Variants in ABCB5 observed in about 807,000 individuals in gnomAD.
ABCB5 encodes the protein ATP-binding cassette sub-family B member 5.
A neutral mutation model predicts 144.2 loss-of-function variants in ABCB5; 155 were observed. The observed-to-expected ratio is 1.08, with a 90% CI of 0.94 to 1.23. ABCB5 has a LOEUF of 1.23. Among genes scored for constraint, ABCB5 ranks in the 50% most tolerant of loss-of-function variants. The pLI is 0.00. For synonymous variants in ABCB5, 610 were observed against 528.6 expected (o/e 1.15, Z -2.11); for missense variants, 1,830 against 1,520.8 (o/e 1.20, Z -3.38).
intron 27 of ABCB5, among the ~76,000 whole-genome samples, chr7:20,754,572 T>G (rs1214909026): frequency 6.6e-6 from 1 of 152,234 alleles, no homozygotes; most frequent in Non-Finnish European, 1.5e-5. Context: ...TTTCTCTATA[T>G]AGCGTCATAA....
intron 16 of ABCB5, among the ~76,000 whole-genome samples, chr7:20,688,922 A>T (rs972362324): frequency 4.0e-5 from 6 of 151,884 alleles, no homozygotes; most frequent in Admixed American, 6.6e-5. Context: ...AACAACGAGA[A>T]CACTTGGACA....
intron 20 of ABCB5, among the ~76,000 whole-genome samples, chr7:20,712,044 C>G (rs1051541418): frequency 2.8e-5 from 4 of 143,928 alleles, no homozygotes; most frequent in African/African-American, 7.8e-5. Context: ...TTGAAACCAT[C>G]CTGGCTAACA....
intron 23 of ABCB5, among the ~76,000 whole-genome samples, chr7:20,736,485 G>C (rs760918542): frequency 2.0e-4 from 31 of 152,158 alleles, no homozygotes; most frequent in Non-Finnish European, 3.4e-4. Flanking sequence ...CAAAGTGCTG[G>C]AATTACAGGC....
intron 26 of ABCB5, among the ~76,000 whole-genome samples, chr7:20,745,720 G>A (rs1177346340): frequency 6.6e-6 from 1 of 152,176 alleles, no homozygotes; most frequent in South Asian, 2.1e-4. Flanking sequence ...TCCACACTAT[G>A]ACCTCCCCGC....
intron 17 of ABCB5, 58 bp downstream of exon 17, chr7:20,698,608 G>A: frequency 1.3e-6 from 2 of 1,493,540 alleles, no homozygotes; most frequent in South Asian, 1.3e-5. Context: ...TGACCTGAGA[G>A]AACAAGCTTG....
At chr7:20,711,837 T>TTTCTTTCTTTCTTTCC (rs1562573748) in intron 20 of ABCB5, among the ~76,000 whole-genome samples, 1 of 56,342 alleles carries the variant, frequency 1.8e-5, no homozygotes, top group East Asian at 2.9e-3. Context: ...TCTTTCTTTC[T>TTTCTTTCTTTCTTTCC]TTCTTTCTTT....
At chr7:20,615,984 G>A (rs911591520) in intron 1 of ABCB5, 147 bp downstream of exon 1, 6 of 152,216 alleles carry the variant, frequency 3.9e-5, no homozygotes, top group African/African-American at 1.4e-4. Context: ...AGTCAGAAAT[G>A]ATCATCCTAC....
At chr7:20,754,523 T>C (rs984114019) in intron 27 of ABCB5, among the ~76,000 whole-genome samples, 3 of 152,228 alleles carry the variant, frequency 2.0e-5, no homozygotes, top group Non-Finnish European at 4.4e-5. Flanking sequence ...GAACATTTTA[T>C]GTATTCAACA....
chr7:20,700,005 A>G, intron 18 of ABCB5, 53 bp from the exon 19 acceptor site: 1 of 1,601,518 alleles, frequency 6.2e-7, no homozygotes. Flanking sequence ...AAAATATATC[A>G]ACTAAATGTT....
chr7:20,706,487 T>C (rs549377756), intron 20 of ABCB5, among the ~76,000 whole-genome samples: 91 of 152,366 alleles, frequency 6.0e-4, no homozygotes, highest in Middle Eastern at 3.4e-3. Context: ...TAATAAATAG[T>C]ATTGTCCCTG....
chr7:20,629,348 A>G (rs976768114), intron 4 of ABCB5, among the ~76,000 whole-genome samples: 2 of 152,212 alleles, frequency 1.3e-5, no homozygotes, highest in East Asian at 1.9e-4. Context: ...GAAGCCCACA[A>G]TAGTTCAGCT....
chr7:20,653,067 C>A (rs1425324790), intron 13 of ABCB5, among the ~76,000 whole-genome samples: 1 of 152,098 alleles, frequency 6.6e-6, no homozygotes, highest in Non-Finnish European at 1.5e-5. Flanking sequence ...CACACATTTC[C>A]TTTTGTTGAT....
In ABCB5 at chr7:20,742,967, A is replaced by G. The variant is rs781703310; in HGVS notation, c.3115A>G (p.Ser1039Gly). 1 of 1,614,142 alleles carries G rather than the reference A, an allele frequency of 6.2e-7. No homozygotes were observed. The highest frequency in any genetic ancestry group is 1.1e-5 in the South Asian group (1 of 91,070). ...TTTCATCCTCCGTGGCTTATCCCTC[A>G]GTATTGAGCGAGGAAAGACAGTAGC... ...DVFILRGLSL[S>G]IERGKTVAFV... Residue 1039 changes from serine (S) to glycine (G), a missense_variant, in exon 25 of 28, where the codon AGT (serine) becomes GGT (glycine). Physicochemically the swap from Ser to Gly is moderately conservative, Grantham distance 56. Transcript: ENST00000404938.
intron 11 of ABCB5, among the ~76,000 whole-genome samples, chr7:20,649,803 G>T (rs1784523508): frequency 6.6e-6 from 1 of 152,134 alleles, no homozygotes; most frequent in African/African-American, 2.4e-5. Context: ...TCTTAATTTA[G>T]TTCTCTTTAC....
chr7:20,691,168 C>CTTTT lies in ABCB5; in HGVS notation c.2010+5362_2010+5365dup, dbSNP rs58696871. On this transcript the variant is annotated intron_variant, in intron 16 of 27. Coordinates refer to ENST00000404938, the MANE Select transcript of ABCB5 (RefSeq NM_001163941.2). ...GAAAACACAGACAAAACCCAGTGGACTTTTTTTTTTTTTTTTTTTTTTTTT... is the reference window on the plus strand; with the variant it reads ...GAAAACACAGACAAAACCCAGTGGACTTTTTTTTTTTTTTTTTTTTTTTTTTTTT... Among the ~76,000 whole-genome samples the CTTTT allele has an allele frequency of 1.0e-3, 46 of 46,112 alleles. 1 individual carries two copies. Among genetic ancestry groups the CTTTT allele is most frequent in the Non-Finnish European group, 1.2e-3 (28 of 24,170 alleles). 30.3% of individuals were successfully genotyped at this position (46,112 alleles called of 152,430 possible). A position where few individuals can be genotyped will look rare whatever the true frequency, so the allele number is the denominator to read the frequency against.
intron 27 of ABCB5, among the ~76,000 whole-genome samples, chr7:20,754,735 GT>G (rs1005885358): frequency 2.0e-5 from 3 of 152,218 alleles, no homozygotes; most frequent in Admixed American, 2.0e-4. Context: ...CTGACTTTGA[GT>G]TTAGAACTAC....
chr7:20,668,330 C>T lies in ABCB5; in HGVS notation c.1707+9654C>T, dbSNP rs1440650956. 4.8e-5 allele frequency among the ~76,000 whole-genome samples: 7 copies of T among 146,686 alleles called. No individual in the cohort carries two copies. In the South Asian group the frequency reaches 9.1e-4, roughly 19 times the overall value. The stretch of plus-strand genomic sequence containing the variant: ...CTAGGAAGTGAGGAGCGTCTCTGCC[C>T]GGCCGCCCATCGTCTGAGATGTGGG... On this transcript the variant is annotated intron_variant, in intron 14 of 27. Coordinates refer to ENST00000404938, the MANE Select transcript of ABCB5 (RefSeq NM_001163941.2).
At chr7:20,733,996 T>C (rs182878000) in intron 23 of ABCB5, among the ~76,000 whole-genome samples, 72 of 152,290 alleles carry the variant, frequency 4.7e-4, no homozygotes, top group African/African-American at 1.6e-3. Context: ...ACCCACACTT[T>C]TGGAGTATGG....
rs762376395 is a variant in ABCB5, at chr7:20,658,822, C to T, written c.1707+146C>T. 4.5e-4 allele frequency: 490 copies of T among 1,077,816 alleles called. 2 individuals carry two copies. The highest frequency in any genetic ancestry group is 8.0e-5 in the Admixed American group (3 of 37,452). 66.8% of individuals were successfully genotyped at this position (1,077,816 alleles called of 1,614,324 possible). On this transcript the variant is annotated intron_variant, in intron 14 of 27. Coordinates refer to ENST00000404938, the MANE Select transcript of ABCB5 (RefSeq NM_001163941.2). ...AGGATGTTAATCCACTGAGAACTTA[C>T]GTGATGGCTATAGGAAGTGGTTTAG...
Sources: allele counts gnomAD v4.1 joint callset (sites outside exome capture counted in the v4.1 genomes callset), GRCh38; gene constraint gnomAD v4.1.1; transcripts MANE v1.5; gene names NCBI Gene and HGNC (gene_info 2026-07-23, HGNC 2026-07-21).